EXOC4: variants seen among roughly 807,000 people sequenced by gnomAD.
EXOC4 encodes the protein exocyst complex component 4.
A neutral mutation model predicts 107.2 loss-of-function variants in EXOC4; 71 were observed. That is an observed-to-expected ratio of 0.66 (90% confidence interval 0.55 to 0.81). The LOEUF is 0.81. Ranked by LOEUF, EXOC4 falls within the 30% of genes least tolerant of loss-of-function variation. The pLI, the probability that EXOC4 is intolerant of heterozygous loss-of-function variation, is 0.00. For synonymous variants in EXOC4, 456 were observed against 441.2 expected (o/e 1.03, Z -0.42); for missense variants, 1,108 against 1,189.6 (o/e 0.93, Z 1.01).
At chr7:133,920,738 C>T (rs566510593) in intron 13 of EXOC4, among the ~76,000 whole-genome samples, 3 of 152,060 alleles carry the variant, frequency 2.0e-5, no homozygotes, top group Non-Finnish European at 4.4e-5. Context: ...TTGTTTATTC[C>T]TTCCCTAATG....
At chr7:134,003,900 C>G (rs142252433) in intron 15 of EXOC4, among the ~76,000 whole-genome samples, 1 of 152,084 alleles carries the variant, frequency 6.6e-6, no homozygotes. Flanking sequence ...CTAATATCTG[C>G]CAAAAAGCAC....
At chr7:133,307,352 T>C (rs561783331) in intron 4 of EXOC4, among the ~76,000 whole-genome samples, 24 of 151,808 alleles carry the variant, frequency 1.6e-4, no homozygotes, top group African/African-American at 5.6e-4. Flanking sequence ...CAGCAGAGAG[T>C]GAAGTGGTGA....
chr7:133,861,533 T>C (rs1343640939), intron 11 of EXOC4, among the ~76,000 whole-genome samples: 1 of 150,978 alleles, frequency 6.6e-6, no homozygotes, highest in African/African-American at 2.5e-5. Flanking sequence ...TTTTTTTGTT[T>C]TGTTTTGTTT....
intron 9 of EXOC4, among the ~76,000 whole-genome samples, chr7:133,535,673 A>G (rs1228612110): frequency 1.3e-5 from 2 of 152,204 alleles, no homozygotes; most frequent in Admixed American, 6.5e-5. Context: ...ACTCTTTTAT[A>G]TGATTAAAAA....
intron 14 of EXOC4, among the ~76,000 whole-genome samples, chr7:133,991,300 T>C (rs1794253697): frequency 6.6e-6 from 1 of 152,142 alleles, no homozygotes; most frequent in Admixed American, 6.5e-5. Context: ...TTTTTGTTTT[T>C]TGTTTTTGCT....
chr7:133,548,279 C>T (rs1302018925), intron 9 of EXOC4, among the ~76,000 whole-genome samples: 1 of 152,048 alleles, frequency 6.6e-6, no homozygotes, highest in African/African-American at 2.4e-5. Flanking sequence ...TCTTTCGGCT[C>T]CACTTCTATT....
rs142883236 is a variant in EXOC4 at position 133,729,023 on chromosome 7, A to G, written c.1515-88302A>G. 1.1e-4 allele frequency among the ~76,000 whole-genome samples: 16 copies of G among 152,282 alleles called. No homozygotes were observed. The East Asian group carries it at 2.7e-3, about 26-fold the overall frequency. ...TTCTAGCCTTTGGGTTTCTATGGAA[A>G]TAGTCTAATCTCTCTTCCACAAAAC... is the stretch of plus-strand genomic sequence containing the variant. On this transcript the variant is annotated intron_variant, in intron 10 of 17. Coordinates refer to ENST00000253861, the MANE Select transcript of EXOC4 (RefSeq NM_021807.4).
At chr7:133,541,999 GT>G (rs1028532162) in intron 9 of EXOC4, among the ~76,000 whole-genome samples, 9 of 152,042 alleles carry the variant, frequency 5.9e-5, no homozygotes, top group African/African-American at 2.2e-4. Context: ...CAGGGCTCTT[GT>G]TAGGAATCTT....
chr7:134,000,261 G>A (rs1585311983), intron 15 of EXOC4, among the ~76,000 whole-genome samples: 1 of 152,092 alleles, frequency 6.6e-6, no homozygotes, highest in Non-Finnish European at 1.5e-5. Flanking sequence ...TCCTGGTCAC[G>A]TTAACAATTT....
At chr7:133,661,010 A>G (rs1217477113) in intron 10 of EXOC4, among the ~76,000 whole-genome samples, 3 of 152,168 alleles carry the variant, frequency 2.0e-5, no homozygotes, top group Non-Finnish European at 4.4e-5. Context: ...ACAGACTACC[A>G]TGTGTTGTAT....
chr7:133,362,917 T>C (rs1397521271), intron 6 of EXOC4, among the ~76,000 whole-genome samples: 1 of 152,192 alleles, frequency 6.6e-6, no homozygotes, highest in East Asian at 1.9e-4. Context: ...GAAAAGTCAT[T>C]CAAGAGCAGC....
chr7:133,640,695 A>G (rs148359075), intron 10 of EXOC4, among the ~76,000 whole-genome samples: 1 of 152,190 alleles, frequency 6.6e-6, no homozygotes, highest in African/African-American at 2.4e-5. Flanking sequence ...AGCGGAGCAA[A>G]AATTAGTTGA....
At chr7:134,012,187 G>A (rs1170922045) in intron 17 of EXOC4, among the ~76,000 whole-genome samples, 1 of 152,152 alleles carries the variant, frequency 6.6e-6, no homozygotes, top group Non-Finnish European at 1.5e-5. Flanking sequence ...GCAGAAGAGT[G>A]CTACATAATG....
chr7:133,510,091 T>A (rs1334020382), intron 9 of EXOC4, among the ~76,000 whole-genome samples: 2 of 152,226 alleles, frequency 1.3e-5, no homozygotes, highest in Non-Finnish European at 2.9e-5. Context: ...TTTTAGAACA[T>A]GTCAACCCAT....
At chr7:133,872,772 A>G (rs1313509470) in intron 11 of EXOC4, among the ~76,000 whole-genome samples, 1 of 152,246 alleles carries the variant, frequency 6.6e-6, no homozygotes, top group Non-Finnish European at 1.5e-5. Flanking sequence ...AATCCCTCCT[A>G]AGTAACCCAC....
chr7:133,385,859 A>T (rs1796715480), intron 7 of EXOC4, among the ~76,000 whole-genome samples: 1 of 152,172 alleles, frequency 6.6e-6, no homozygotes, highest in Non-Finnish European at 1.5e-5. Context: ...CTTTCAACTG[A>T]TTCATTTAAT....
intron 8 of EXOC4, among the ~76,000 whole-genome samples, chr7:133,477,965 G>A (rs1277870996): frequency 2.6e-5 from 4 of 152,056 alleles, no homozygotes; most frequent in Non-Finnish European, 5.9e-5. Flanking sequence ...TGGAGAGGAA[G>A]CCACTTTTTC....
intron 9 of EXOC4, among the ~76,000 whole-genome samples, chr7:133,608,490 G>A (rs549467671): frequency 1.3e-5 from 2 of 150,960 alleles, no homozygotes; most frequent in East Asian, 2.0e-4. Flanking sequence ...AAAGACCCTA[G>A]TGGATGTGGG....
At chr7:133,572,254 C>G (rs748672780) in intron 9 of EXOC4, among the ~76,000 whole-genome samples, 5 of 152,160 alleles carry the variant, frequency 3.3e-5, no homozygotes, top group Non-Finnish European at 7.4e-5. Flanking sequence ...TTTGTTTCTA[C>G]ATTGTTACAG....
Sources: allele counts gnomAD v4.1 joint callset (sites outside exome capture counted in the v4.1 genomes callset), GRCh38; gene constraint gnomAD v4.1.1; transcripts MANE v1.5; gene names NCBI Gene and HGNC (gene_info 2026-07-23, HGNC 2026-07-21).